The following LARP4 variants were observed in gnomAD, a reference collection of about 807,000 sequenced individuals.
LARP4 encodes the protein la-related protein 4.
LARP4 carries 29 observed loss-of-function variants against 92.9 expected under a neutral mutation model. That is an observed-to-expected ratio of 0.31 (90% CI 0.23 to 0.43). The LOEUF (loss-of-function observed/expected upper bound fraction) is 0.43, where lower values mean the gene tolerates loss of function less well. LARP4 is among the 20% of genes least tolerant of loss of function. The pLI is 1.00. For missense variants in LARP4, 732 were observed against 860.0 expected, an observed-to-expected ratio of 0.85 and a Z score of 1.86; for synonymous variants, 279 against 284.1, an observed-to-expected ratio of 0.98 and a Z score of 0.18.
chr12:50,419,887 A>G (rs921594218), intron 1 of LARP4, among the ~76,000 whole-genome samples: 7 of 151,920 alleles, frequency 4.6e-5, no homozygotes, highest in African/African-American at 1.7e-4. Flanking sequence ...CCTGGGCAAC[A>G]AGAGTGAGAC....
rs571844538 is a variant in LARP4 at position 50,405,577 on chromosome 12, G to T, written c.18+4549G>T. 2.0e-5 allele frequency among the ~76,000 whole-genome samples: 3 copies of T among 152,046 alleles called. No individual in the cohort carries two copies. In the East Asian group the frequency reaches 5.8e-4, roughly 29 times the overall value. On this transcript the variant is annotated intron_variant, in intron 1 of 15. Coordinates refer to ENST00000398473, the MANE Select transcript of LARP4 (RefSeq NM_052879.5). ...TGGGACTATAGACATGTACCACCATGCCTGGCTAATTTTTTTCTTTTTTGG... is the reference window on the plus strand; with the variant it reads ...TGGGACTATAGACATGTACCACCATTCCTGGCTAATTTTTTTCTTTTTTGG...
At chr12:50,435,213 A>G (rs914612085) in intron 4 of LARP4, among the ~76,000 whole-genome samples, 1 of 152,222 alleles carries the variant, frequency 6.6e-6, no homozygotes, top group African/African-American at 2.4e-5. Flanking sequence ...AAACCTCTTT[A>G]TGTATCAGTA....
chr12:50,474,143 T>G lies in LARP4; in HGVS notation c.1812T>G (p.Asn604Lys). ...STASPCNNNI[N>K]AATAVALQEP... The stretch of plus-strand genomic sequence containing the variant: ...CTTCACCATGTAATAATAACATAAA[T>G]GCAGCTACAGCTGTGGCTCTACAGG... Residue 604 changes from asparagine to lysine, a missense_variant, in exon 15 of 16, where the codon AAT becomes AAG. This residue lies in a region of LARP4 where 97 missense variants were observed against 85.9 expected (regional missense o/e 1.13). Transcript: ENST00000398473. The G allele has an allele frequency of 6.2e-7, 1 of 1,613,046 alleles. No individual in the cohort carries two copies. The highest frequency in any genetic ancestry group is 8.5e-7 in the Non-Finnish European group (1 of 1,179,704).
chr12:50,435,395 A>T (rs1273153309), intron 4 of LARP4, 93 bp from the exon 5 acceptor site: 6 of 737,508 alleles, frequency 8.1e-6, no homozygotes, highest in Non-Finnish European at 1.4e-5. Context: ...TCTTATTTCC[A>T]TGCATTTAAA....
Position 50,475,607 on chromosome 12 carries a change from G to A in LARP4, c.1918G>A (p.Glu640Lys), listed in dbSNP as rs767231125. 5.8e-5 allele frequency: 93 copies of A among 1,614,018 alleles called. 1 individual carries two copies. In the South Asian group the frequency reaches 9.7e-4, roughly 17 times the overall value. Residue 640 changes from glutamate to lysine, a missense_variant, in exon 16 of 16, where the codon GAA becomes AAA. By Grantham distance (56) the Glu-to-Lys change is moderately conservative. This residue lies in a region of LARP4 where 115 missense variants were observed against 129.1 expected (regional missense o/e 0.89). Transcript: ENST00000398473. ...TTCAGTTCTTGTGCAGCCACTACGG[G>A]AACTTCGCTCCAATGTGGTGTCTCC... ...PSSVLVQPLR[E>K]LRSNVVSPTK...
chr12:50,424,244 C>G (rs186398455), intron 1 of LARP4, among the ~76,000 whole-genome samples: 92 of 152,144 alleles, frequency 6.0e-4, no homozygotes, highest in Non-Finnish European at 9.6e-4. Context: ...GTGTTCCAGG[C>G]CTGTAGTCCT....
intron 1 of LARP4, among the ~76,000 whole-genome samples, chr12:50,415,072 G>A (rs951901354): frequency 4.6e-5 from 7 of 151,974 alleles, no homozygotes; most frequent in African/African-American, 7.3e-5. Context: ...GCATGGTGGC[G>A]CACACCTGTA....
At position 50,437,973 on chromosome 12, in the gene LARP4, C is replaced by T. The variant is rs116033796; in HGVS notation, c.639+135C>T. On this transcript the variant is annotated intron_variant, in intron 6 of 15. Coordinates refer to ENST00000398473, the MANE Select transcript of LARP4 (RefSeq NM_052879.5). Reference sequence around the variant, plus strand: ...CATAAGTCAGTGCCTTCATCAGTTACTGTGAAAAGGTTAAATACTAATTTG... The same window carrying T: ...CATAAGTCAGTGCCTTCATCAGTTATTGTGAAAAGGTTAAATACTAATTTG... 2,938 of 546,798 alleles carry T rather than the reference C, an allele frequency of 5.4e-3. 70 individuals are homozygous for T. Among genetic ancestry groups the T allele is most frequent in the African/African-American group, 0.043 (2,261 of 53,184 alleles). The allele number at this position is 546,798 out of a possible 1,614,324, so 33.9% of individuals were successfully genotyped here.
At chr12:50,414,975 C>T (rs1946518265) in intron 1 of LARP4, among the ~76,000 whole-genome samples, 1 of 152,096 alleles carries the variant, frequency 6.6e-6, no homozygotes, top group Non-Finnish European at 1.5e-5. Flanking sequence ...GAGGCCGAGG[C>T]AGGGAGATCA....
intron 1 of LARP4, among the ~76,000 whole-genome samples, chr12:50,409,785 A>T (rs1945506144): frequency 6.6e-6 from 1 of 150,992 alleles, no homozygotes; most frequent in African/African-American, 2.4e-5. Flanking sequence ...AAGAAAAGAA[A>T]AAGAATTATT....
chr12:50,476,016 G>A lies in LARP4; in HGVS notation c.*152G>A. The A allele has an allele frequency of 1.7e-6, 1 of 595,442 alleles. No homozygotes were observed. The highest frequency in any genetic ancestry group is 2.9e-6 in the Non-Finnish European group (1 of 345,898). 36.9% of individuals were successfully genotyped at this position (595,442 alleles called of 1,614,324 possible). On this transcript the variant is annotated 3_prime_UTR_variant, in exon 16 of 16. Transcript: ENST00000398473. ...ATGGATTTTGGAGTTGTGAGTGATAGGATCCCAAAATTCATCTCTAATGTG... is the reference window on the plus strand; with the variant it reads ...ATGGATTTTGGAGTTGTGAGTGATAAGATCCCAAAATTCATCTCTAATGTG...
chr12:50,455,915 T>C (rs1369253209), intron 10 of LARP4, among the ~76,000 whole-genome samples: 1 of 152,004 alleles, frequency 6.6e-6, no homozygotes, highest in Non-Finnish European at 1.5e-5. Flanking sequence ...GGCGTGGTGG[T>C]GTAGTGCATG....
chr12:50,443,771 C>T (rs1181817231), intron 8 of LARP4, among the ~76,000 whole-genome samples: 2 of 152,010 alleles, frequency 1.3e-5, no homozygotes, highest in Non-Finnish European at 2.9e-5. Flanking sequence ...AACAACCACG[C>T]CCAGCTAATT....
At chr12:50,430,221 GGGTATCAT>G (rs1949444895) in intron 3 of LARP4, among the ~76,000 whole-genome samples, 2 of 152,000 alleles carry the variant, frequency 1.3e-5, no homozygotes, top group African/African-American at 4.8e-5. Context: ...AAAGTTAGCT[GGGTATCAT>G]GGCACAAGTT....
rs1241050528 is a variant in LARP4, at chr12:50,466,998, C to T, written c.1423C>T (p.Pro475Ser). The T allele has an allele frequency of 1.2e-6, 2 of 1,612,828 alleles. No individual in the cohort carries two copies. The highest frequency in any genetic ancestry group is 4.5e-5 in the East Asian group (2 of 44,850). The change falls in exon 13 of 16, where the codon CCA becomes TCA. Residue 475 changes from proline to serine, a missense_variant. Coordinates refer to ENST00000398473, the MANE Select transcript of LARP4 (RefSeq NM_052879.5). ...PSTAESKAPT[P>S]KFDLLASNFP... ...AACAGCTGAATCAAAGGCTCCAACA[C>T]CAAAGTTTGACTTATTAGCCTCAAA... is the stretch of plus-strand genomic sequence containing the variant.
intron 2 of LARP4, among the ~76,000 whole-genome samples, chr12:50,428,386 A>G (rs1949140797): frequency 6.6e-6 from 1 of 152,104 alleles, no homozygotes; most frequent in Non-Finnish European, 1.5e-5. Context: ...TCCTTTAAAC[A>G]TACTGCATCC....
chr12:50,430,703 T>C (rs1949521026), intron 4 of LARP4, 133 bp downstream of exon 4: 2 of 541,084 alleles, frequency 3.7e-6, no homozygotes, highest in Admixed American at 3.3e-5. Context: ...ATGTTGTCGC[T>C]GGGCTGGAGT....
intron 1 of LARP4, 165 bp downstream of exon 1, chr12:50,401,193 G>C (rs529727047): frequency 1.3e-6 from 1 of 750,914 alleles, no homozygotes; most frequent in African/African-American, 1.7e-5. Context: ...CCCTCTGCGC[G>C]CTCACAACAC....
At chr12:50,423,387 T>C (rs1948176230) in intron 1 of LARP4, among the ~76,000 whole-genome samples, 1 of 152,206 alleles carries the variant, frequency 6.6e-6, no homozygotes, top group African/African-American at 2.4e-5. Flanking sequence ...TAGTATACTT[T>C]TGAGGGTGAG....
Sources: gnomAD v4.1 joint callset for allele counts (sites outside exome capture counted in the v4.1 genomes callset) on GRCh38, gnomAD v4.1.1 for gene constraint, gnomAD v4.1.1 regional missense constraint, MANE v1.5 for transcripts, NCBI Gene and HGNC (gene_info 2026-07-23, HGNC 2026-07-21) for gene names.